Variants in PCDHB3 observed in about 807,000 individuals in gnomAD.
The protein encoded by PCDHB3 is protocadherin beta-3.
For missense variants in PCDHB3, 967 were observed against 1,012.1 expected, an observed-to-expected ratio of 0.96 and a Z score of 0.60; for synonymous variants, 479 against 456.0, an observed-to-expected ratio of 1.05 and a Z score of -0.64.
In PCDHB3 at chr5:141,102,107, A is replaced by G. The variant is rs151234490; in HGVS notation, c.1458A>G (p.Val486=). 2 of 1,612,742 alleles carry G rather than the reference A, an allele frequency of 1.2e-6. No individual in the cohort carries two copies. Among genetic ancestry groups the G allele is most frequent in the African/African-American group, 1.3e-5 (1 of 74,868 alleles). The part of the protein sequence containing the change: ...TDRDSGTNAQ[V]TYSLLPPQDP... ...GAGACTCAGGCACCAACGCCCAGGT[A>G]ACCTACTCGCTGCTGCCGCCCCAGG... Residue 486 remains valine, a synonymous_variant, in exon 1 of 1, where the codon GTA becomes GTG. Coordinates refer to ENST00000231130, the MANE Select transcript of PCDHB3 (RefSeq NM_018937.5).
Position 141,101,647 on chromosome 5 carries a change from T to A in PCDHB3, c.998T>A (p.Val333Asp). The A allele has an allele frequency of 1.2e-6, 2 of 1,614,108 alleles. No homozygotes were observed. Among genetic ancestry groups the A allele is most frequent in the Non-Finnish European group, 1.7e-6 (2 of 1,180,040 alleles). The part of the protein sequence containing the change: ...DGGGLSGKST[V>D]IVQVVDVNDN... ...GGAGGCCTATCCGGAAAGTCTACAG[T>A]CATAGTCCAGGTGGTTGATGTCAAC... Residue 333 changes from valine (V) to aspartate (D), a missense_variant, in exon 1 of 1, where the codon GTC becomes GAC. Physicochemically the swap from Val to Asp is radical, Grantham distance 152 (BLOSUM62 -3). Coordinates refer to ENST00000231130, the MANE Select transcript of PCDHB3 (RefSeq NM_018937.5).
rs61738626 is a variant in PCDHB3, at chr5:141,102,350, C to A, written c.1701C>A (p.Asn567Lys). ...NSPFVLYPLQ[N>K]GSAPCTELVP... ...CCTTCGTGCTGTACCCGCTGCAGAA[C>A]GGCTCCGCGCCCTGCACCGAGCTGG... Residue 567 changes from asparagine to lysine, a missense_variant, in exon 1 of 1, where the codon AAC becomes AAA. By Grantham distance (94) the Asn-to-Lys change is moderately conservative. Transcript: ENST00000231130. The A allele has an allele frequency of 2.5e-6, 4 of 1,611,158 alleles. No homozygotes were observed. The highest frequency in any genetic ancestry group is 3.4e-6 in the Non-Finnish European group (4 of 1,179,636).
At position 141,101,436 on chromosome 5, in the gene PCDHB3, A is replaced by T; in HGVS notation, c.787A>T (p.Thr263Ser). The T allele has an allele frequency of 1.2e-6, 2 of 1,614,212 alleles. No homozygotes were observed. Among genetic ancestry groups the T allele is most frequent in the Non-Finnish European group, 8.5e-7 (1 of 1,180,028 alleles). The change falls in exon 1 of 1, where the codon ACT becomes TCT. Residue 263 changes from threonine (T) to serine (S), a missense_variant. Transcript: ENST00000231130. ...ENTPVNSVIV[T>S]VSASDLDTGS... Reference sequence around the variant, plus strand: ...TACCCCCGTTAACTCTGTCATTGTCACTGTCTCGGCTTCTGACTTAGATAC... The same window carrying T: ...TACCCCCGTTAACTCTGTCATTGTCTCTGTCTCGGCTTCTGACTTAGATAC...
Position 141,100,815 on chromosome 5 carries a change from G to T in PCDHB3, c.166G>T (p.Val56Leu). ...CCTAGCAAAGGATCTGGGACTAAGG[G>T]TAGAGGAACTGGCCGCGAGGGGGGC... is the stretch of plus-strand genomic sequence containing the variant. ...ANLAKDLGLR[V>L]EELAARGAQV... Residue 56 changes from valine to leucine, a missense_variant, in exon 1 of 1, where the codon GTA becomes TTA. Physicochemically the swap from Val to Leu is conservative, Grantham distance 32. Transcript: ENST00000231130. 1 of 1,614,142 alleles carries T rather than the reference G, an allele frequency of 6.2e-7. No individual in the cohort carries two copies. Among genetic ancestry groups the T allele is most frequent in the Non-Finnish European group, 8.5e-7 (1 of 1,180,032 alleles).
Position 141,102,329 on chromosome 5 carries a change from C to T in PCDHB3, c.1680C>T (p.Phe560=), listed in dbSNP as rs17844397. Residue 560 remains phenylalanine, a synonymous_variant, in exon 1 of 1, where the codon TTC becomes TTT. Coordinates refer to ENST00000231130, the MANE Select transcript of PCDHB3 (RefSeq NM_018937.5). ...LVLDANDNSP[F]VLYPLQNGSA... is the part of the protein sequence containing the mutation. ...TGGACGCCAACGACAACTCGCCCTT[C>T]GTGCTGTACCCGCTGCAGAACGGCT... 119,934 of 1,610,940 alleles carry T rather than the reference C, an allele frequency of 0.074. 4,713 individuals are homozygous for T. The highest frequency in any genetic ancestry group is 0.11 in the South Asian group (10,392 of 90,934).
Position 141,103,119 on chromosome 5 carries a change from GTCT to G in PCDHB3, c.*81_*83del. 1 of 1,496,136 alleles carries G rather than the reference GTCT, an allele frequency of 6.7e-7. No homozygotes were observed. The highest frequency in any genetic ancestry group is 9.0e-7 in the Non-Finnish European group (1 of 1,114,672). The allele number at this position is 1,496,136 out of a possible 1,614,324, so 92.7% of individuals were successfully genotyped here. ...TTTTACTGCTTTGTCCATTGGAGAGGTCTTTTTTGGTCTGGTTCAAGGCAAGTA... is the reference window on the plus strand; with the variant it reads ...TTTTACTGCTTTGTCCATTGGAGAGGTTTTTGGTCTGGTTCAAGGCAAGTA... On this transcript the variant is annotated 3_prime_UTR_variant, in exon 1 of 1. Transcript: ENST00000231130.
chr5:141,100,885 A>G lies in PCDHB3; in HGVS notation c.236A>G (p.His79Arg), dbSNP rs781921035. ...AACAAACAGCATTTTCAGCTCAGTC[A>G]TCAGACAGGTGATTTGCTCCTGAAT... ...KGNKQHFQLS[H>R]QTGDLLLNEK... Residue 79 changes from histidine (H) to arginine (R), a missense_variant, in exon 1 of 1, where the codon CAT becomes CGT. Coordinates refer to ENST00000231130, the MANE Select transcript of PCDHB3 (RefSeq NM_018937.5). 1.2e-6 allele frequency: 2 copies of G among 1,614,150 alleles called. No homozygotes were observed. The highest frequency in any genetic ancestry group is 8.5e-7 in the Non-Finnish European group (1 of 1,180,024).
Position 141,103,086 on chromosome 5 carries a change from A to G in PCDHB3, c.*46A>G. Reference sequence around the variant, plus strand: ...AGCCTCGTCTTAGTTAATCTGTGGAAAGTCCTTTTTTACTGCTTTGTCCAT... The same window carrying G: ...AGCCTCGTCTTAGTTAATCTGTGGAGAGTCCTTTTTTACTGCTTTGTCCAT... On this transcript the variant is annotated 3_prime_UTR_variant, in exon 1 of 1. Coordinates refer to ENST00000231130, the MANE Select transcript of PCDHB3 (RefSeq NM_018937.5). The G allele has an allele frequency of 6.4e-7, 1 of 1,552,706 alleles. No homozygotes were observed. The highest frequency in any genetic ancestry group is 8.7e-7 in the Non-Finnish European group (1 of 1,151,370).
rs377102503 is a variant in PCDHB3, at chr5:141,101,539, T to C, written c.890T>C (p.Ile297Thr). The change falls in exon 1 of 1, where the codon ATT becomes ACT. Residue 297 changes from isoleucine (I) to threonine (T), a missense_variant. Transcript: ENST00000231130. Reference sequence around the variant, plus strand: ...CGCAAAACTTTTCAGCTAAATCCAATTACTGGTGATATGCAACTGGTCAAA... The same window carrying C: ...CGCAAAACTTTTCAGCTAAATCCAACTACTGGTGATATGCAACTGGTCAAA... ...EIRKTFQLNP[I>T]TGDMQLVKYL... is the part of the protein sequence containing the mutation. The C allele has an allele frequency of 1.2e-6, 2 of 1,614,058 alleles. No individual in the cohort carries two copies. The highest frequency in any genetic ancestry group is 1.7e-6 in the Non-Finnish European group (2 of 1,180,018).
rs782636840 is a variant in PCDHB3 at position 141,101,359 on chromosome 5, A to G, written c.710A>G (p.Asp237Gly). Residue 237 changes from aspartate (D) to glycine (G), a missense_variant, in exon 1 of 1, where the codon GAC (aspartate) becomes GGC (glycine). Transcript: ENST00000231130. ...AACATCCAGGTCTTAGATATAAACG[A>G]CAATGCACCAGAATTTGCACAGCCG... ...QINIQVLDIN[D>G]NAPEFAQPLY... 3 of 1,614,120 alleles carry G rather than the reference A, an allele frequency of 1.9e-6. No individual in the cohort carries two copies. The South Asian group carries it at 3.3e-5, about 18-fold the overall frequency.
chr5:141,102,568 T>A lies in PCDHB3; in HGVS notation c.1919T>A (p.Leu640Gln), dbSNP rs1554272613. The change falls in exon 1 of 1, where the codon CTG becomes CAG. Residue 640 changes from leucine to glutamine, a missense_variant. Physicochemically the swap from Leu to Gln is moderately radical, Grantham distance 113. Coordinates refer to ENST00000231130, the MANE Select transcript of PCDHB3 (RefSeq NM_018937.5). ...LSERDAAKHRLVVLVKDNGEP... is the reference protein window; with the variant it reads ...LSERDAAKHRQVVLVKDNGEP... Reference sequence around the variant, plus strand: ...GAGCGCGACGCGGCCAAGCACAGGCTGGTGGTGCTGGTCAAGGACAATGGC... The same window carrying A: ...GAGCGCGACGCGGCCAAGCACAGGCAGGTGGTGCTGGTCAAGGACAATGGC... The A allele has an allele frequency of 4.4e-6, 7 of 1,608,800 alleles. 1 individual carries two copies. In the South Asian group the frequency reaches 7.7e-5, roughly 18 times the overall value.
Position 141,100,715 on chromosome 5 carries a change from A to T in PCDHB3, c.66A>T (p.Gly22=), listed in dbSNP as rs782617201. 2.5e-6 allele frequency: 4 copies of T among 1,613,146 alleles called. No homozygotes were observed. In the South Asian group the frequency reaches 4.4e-5, roughly 18 times the overall value. ...TCTTGCTTCTCTTTGTTTTTCTGGG[A>T]GGGTCTCTGGCTGGGTCCGAGTCAA... ...RQVLLLFVFL[G]GSLAGSESRR... The change falls in exon 1 of 1, where the codon GGA becomes GGT. Residue 22 remains glycine (G), a synonymous_variant. Transcript: ENST00000231130.
rs1453387238 is a variant in PCDHB3, at chr5:141,102,689, G to A, written c.2040G>A (p.Gln680=). Residue 680 remains glutamine (Q), a synonymous_variant, in exon 1 of 1, where the codon CAG becomes CAA. Coordinates refer to ENST00000231130, the MANE Select transcript of PCDHB3 (RefSeq NM_018937.5). The stretch of plus-strand genomic sequence containing the variant: ...CTCTCCCGGAGGCGGCACCGGCCCA[G>A]GCCCAGGCCGACTTGCTCACCGTCT... ...YLPLPEAAPA[Q]AQADLLTVYL... 1.2e-6 allele frequency: 2 copies of A among 1,611,616 alleles called. No individual in the cohort carries two copies. Among genetic ancestry groups the A allele is most frequent in the Non-Finnish European group, 1.7e-6 (2 of 1,179,806 alleles).
In PCDHB3 at chr5:141,102,214, A is replaced by T; in HGVS notation, c.1565A>T (p.Glu522Val). 1 of 1,612,692 alleles carries T rather than the reference A, an allele frequency of 6.2e-7. No individual in the cohort carries two copies. Among genetic ancestry groups the T allele is most frequent in the Middle Eastern group, 2.0e-4 (1 of 4,976 alleles). ...TTTGCCCTCAGGTCGCTGGACTACG[A>T]GGCCCTGCAGGCGTTCGAGTTCCGC... ...HLFALRSLDY[E>V]ALQAFEFRVG... Residue 522 changes from glutamate to valine, a missense_variant, in exon 1 of 1, where the codon GAG becomes GTG. Physicochemically the swap from Glu to Val is moderately radical, Grantham distance 121. Coordinates refer to ENST00000231130, the MANE Select transcript of PCDHB3 (RefSeq NM_018937.5).
In PCDHB3 at chr5:141,102,134, C is replaced by A; in HGVS notation, c.1485C>A (p.Asp495Glu). The change falls in exon 1 of 1, where the codon GAC becomes GAA. Residue 495 changes from aspartate (D) to glutamate (E), a missense_variant. Asp to Glu is a conservative substitution (Grantham distance 45). Coordinates refer to ENST00000231130, the MANE Select transcript of PCDHB3 (RefSeq NM_018937.5). Reference protein sequence around the residue: ...QVTYSLLPPQDPHLPLSSLVS... With the variant: ...QVTYSLLPPQEPHLPLSSLVS... Reference sequence around the variant, plus strand: ...CCTACTCGCTGCTGCCGCCCCAGGACCCGCACCTGCCCCTCTCTTCCCTGG... The same window carrying A: ...CCTACTCGCTGCTGCCGCCCCAGGAACCGCACCTGCCCCTCTCTTCCCTGG... 3 of 1,612,982 alleles carry A rather than the reference C, an allele frequency of 1.9e-6. No individual in the cohort carries two copies. The highest frequency in any genetic ancestry group is 2.5e-6 in the Non-Finnish European group (3 of 1,180,020).
rs782729174 is a variant in PCDHB3, at chr5:141,103,068, T to C, written c.*28T>C. ...GTTAATAAGGATCTACTGAGCCTCG[T>C]CTTAGTTAATCTGTGGAAAGTCCTT... On this transcript the variant is annotated 3_prime_UTR_variant, in exon 1 of 1. Transcript: ENST00000231130. 1.3e-6 allele frequency: 2 copies of C among 1,569,720 alleles called. No individual in the cohort carries two copies. The highest frequency in any genetic ancestry group is 2.7e-5 in the African/African-American group (2 of 73,286).
rs31847 is a variant in PCDHB3 at position 141,103,107 on chromosome 5, T to C, written c.*67T>C. 0.081 allele frequency: 123,416 copies of C among 1,521,654 alleles called. 5,361 individuals are homozygous for C. Among genetic ancestry groups the C allele is most frequent in the African/African-American group, 0.13 (9,631 of 71,874 alleles). 94.3% of individuals were successfully genotyped at this position (1,521,654 alleles called of 1,614,324 possible). ...TGGAAAGTCCTTTTTTACTGCTTTG[T>C]CCATTGGAGAGGTCTTTTTTGGTCT... On this transcript the variant is annotated 3_prime_UTR_variant, in exon 1 of 1. Transcript: ENST00000231130.
rs149035214 is a variant in PCDHB3 at position 141,100,869 on chromosome 5, C to T, written c.220C>T (p.His74Tyr). 8.8e-5 allele frequency: 142 copies of T among 1,614,040 alleles called. 1 individual carries two copies. In the African/African-American group the frequency reaches 1.6e-3, roughly 18 times the overall value. ...AGTTGTGTCCAAAGGGAACAAACAG[C>T]ATTTTCAGCTCAGTCATCAGACAGG... Reference protein sequence around the residue: ...AQVVSKGNKQHFQLSHQTGDL... With the variant: ...AQVVSKGNKQYFQLSHQTGDL... The change falls in exon 1 of 1, where the codon CAT becomes TAT. Residue 74 changes from histidine to tyrosine, a missense_variant. Transcript: ENST00000231130.
In PCDHB3 at chr5:141,102,568, TGG is replaced by T. The variant is rs1751983621; in HGVS notation, c.1920_1921del (p.Val641GlyfsTer122). On this transcript the variant is annotated frameshift_variant, in exon 1 of 1. Transcript: ENST00000231130. LOFTEE classifies it low-confidence loss of function (END_TRUNC). Reference sequence around the variant, plus strand: ...GAGCGCGACGCGGCCAAGCACAGGCTGGTGGTGCTGGTCAAGGACAATGGCGA... The same window carrying T: ...GAGCGCGACGCGGCCAAGCACAGGCTTGGTGCTGGTCAAGGACAATGGCGA... 1.2e-6 allele frequency: 2 copies of T among 1,608,800 alleles called. No homozygotes were observed. The highest frequency in any genetic ancestry group is 4.5e-5 in the East Asian group (2 of 44,866).
Sources: gnomAD v4.1 joint callset for allele counts on GRCh38, gnomAD v4.1.1 for gene constraint, MANE v1.5 for transcripts, NCBI Gene and HGNC (gene_info 2026-07-23, HGNC 2026-07-21) for gene names.